MAGI2: variants seen among roughly 807,000 people sequenced by gnomAD.
MAGI2 encodes the protein membrane associated guanylate kinase, WW and PDZ domain containing 2, also known as membrane-associated guanylate kinase, WW and PDZ domain-containing protein 2.
Under a neutral mutation model 133.3 loss-of-function variants are expected in MAGI2, and 35 were observed. The observed-to-expected ratio is 0.26, with a 90% CI of 0.20 to 0.35. The LOEUF (loss-of-function observed/expected upper bound fraction) is 0.35. Ranked by LOEUF, MAGI2 falls within the 10% of genes least tolerant of loss-of-function variation. The pLI, the probability that MAGI2 is intolerant of heterozygous loss-of-function variation, is 1.00. For synonymous variants in MAGI2, 729 were observed against 710.6 expected (o/e 1.03, Z -0.41); for missense variants, 1,636 against 1,863.4 (o/e 0.88, Z 2.25).
chr7:78,339,797 T>C (rs1790162250), intron 9 of MAGI2, among the ~76,000 whole-genome samples: 1 of 152,222 alleles, frequency 6.6e-6, no homozygotes, highest in Non-Finnish European at 1.5e-5. Context: ...GAAAATTATG[T>C]ACACATGACT....
chr7:79,117,342 C>T (rs977359516), intron 1 of MAGI2, among the ~76,000 whole-genome samples: 5 of 152,002 alleles, frequency 3.3e-5, no homozygotes, highest in South Asian at 2.1e-4. Context: ...CTCAAGAGCA[C>T]ATGTATATAA....
intron 2 of MAGI2, among the ~76,000 whole-genome samples, chr7:78,881,288 G>A (rs1362695543): frequency 1.3e-5 from 2 of 151,904 alleles, no homozygotes; most frequent in Non-Finnish European, 2.9e-5. Flanking sequence ...ACCTGCACAT[G>A]GAACATACTC....
intron 4 of MAGI2, chr7:78,518,688 A>G (rs1483528180): frequency 6.6e-6 from 1 of 152,058 alleles, no homozygotes; most frequent in Non-Finnish European, 1.5e-5. Flanking sequence ...TAGTTAGTTG[A>G]TATAGGGCAG....
chr7:78,177,911 TAA>T, intron 14 of MAGI2, 98 bp downstream of exon 14: 1 of 869,536 alleles, frequency 1.2e-6, no homozygotes, highest in Non-Finnish European at 1.8e-6. Flanking sequence ...ATGAGAGTCC[TAA>T]AACATTTCCT....
At chr7:78,093,001 T>TG (rs35588190) in intron 20 of MAGI2, among the ~76,000 whole-genome samples, 97 of 151,248 alleles carry the variant, frequency 6.4e-4, no homozygotes, top group African/African-American at 2.1e-3. Flanking sequence ...CTGGGTGTGG[T>TG]GGGGGGTGCC....
chr7:78,044,065 G>C (rs944967849), intron 21 of MAGI2, among the ~76,000 whole-genome samples: 1 of 152,128 alleles, frequency 6.6e-6, no homozygotes, highest in African/African-American at 2.4e-5. Context: ...GATAATTTGT[G>C]TTATAACTTG....
At chr7:78,617,924 A>G (rs1257777152) in intron 3 of MAGI2, 1 of 151,886 alleles carries the variant, frequency 6.6e-6, no homozygotes, top group East Asian at 1.9e-4. Flanking sequence ...ACTAGATTTT[A>G]CTCTCCTTTG....
At chr7:78,224,789 T>G (rs1000897636) in intron 10 of MAGI2, among the ~76,000 whole-genome samples, 17 of 152,002 alleles carry the variant, frequency 1.1e-4, no homozygotes, top group Non-Finnish European at 1.3e-4. Flanking sequence ...TTGTCCTATT[T>G]CAACAGTCTC....
At chr7:79,003,464 A>C (rs1807101465) in intron 2 of MAGI2, among the ~76,000 whole-genome samples, 1 of 152,208 alleles carries the variant, frequency 6.6e-6, no homozygotes, top group African/African-American at 2.4e-5. Flanking sequence ...TTAAACAAGG[A>C]GTGAATGTAT....
At chr7:78,645,514 T>A (rs1810780164) in intron 2 of MAGI2, among the ~76,000 whole-genome samples, 1 of 152,090 alleles carries the variant, frequency 6.6e-6, no homozygotes, top group Admixed American at 6.6e-5. Context: ...CAAAAATCAA[T>A]CAATATAATT....
At chr7:79,374,179 ATCAATAAC>A in intron 1 of MAGI2, among the ~76,000 whole-genome samples, 1 of 152,092 alleles carries the variant, frequency 6.6e-6, no homozygotes, top group Middle Eastern at 3.4e-3. Context: ...TTCTCTCAAA[ATCAATAAC>A]CCCAGGACCT....
At chr7:78,862,490 G>A (rs189329123) in intron 2 of MAGI2, among the ~76,000 whole-genome samples, 185 of 152,262 alleles carry the variant, frequency 1.2e-3, no homozygotes, top group African/African-American at 4.3e-3. Flanking sequence ...AGTTTGTCCA[G>A]GAAGGGTTTT....
intron 1 of MAGI2, among the ~76,000 whole-genome samples, chr7:79,298,191 T>C (rs1585476260): frequency 6.6e-6 from 1 of 152,360 alleles, no homozygotes; most frequent in Non-Finnish European, 1.5e-5. Flanking sequence ...CAATTTTTCT[T>C]CAATATTTGA....
intron 2 of MAGI2, among the ~76,000 whole-genome samples, chr7:78,740,531 A>G (rs752359563): frequency 8.5e-5 from 13 of 152,136 alleles, no homozygotes; most frequent in Non-Finnish European, 1.5e-4. Flanking sequence ...TGATTGTCTC[A>G]TTAAATAACA....
chr7:79,266,948 A>T (rs1395996102), intron 1 of MAGI2, among the ~76,000 whole-genome samples: 1 of 152,110 alleles, frequency 6.6e-6, no homozygotes, highest in Non-Finnish European at 1.5e-5. Context: ...TATCACATAG[A>T]CTTCAGATAA....
intron 1 of MAGI2, among the ~76,000 whole-genome samples, chr7:79,399,580 A>G (rs1487013630): frequency 6.6e-6 from 1 of 152,182 alleles, no homozygotes; most frequent in Non-Finnish European, 1.5e-5. Context: ...AGCTGTAGAT[A>G]CAAGTGCAGT....
intron 2 of MAGI2, among the ~76,000 whole-genome samples, chr7:78,637,892 A>G (rs558391723): frequency 6.6e-6 from 1 of 152,236 alleles, no homozygotes; most frequent in South Asian, 2.1e-4. Flanking sequence ...AGCCTGGGCT[A>G]CATACAGAGA....
At position 78,489,850 on chromosome 7, in the gene MAGI2, A is replaced by G; in HGVS notation, c.966-10T>C. 1.2e-6 allele frequency: 2 copies of G among 1,606,988 alleles called. No homozygotes were observed. Among genetic ancestry groups the G allele is most frequent in the Non-Finnish European group, 1.7e-6 (2 of 1,174,294 alleles). The stretch of plus-strand genomic sequence containing the variant: ...TGTCTTTGTGTTATGGCTGAAAAGA[A>G]AAGAGATCACTCTGAACAGACACAT... On this transcript the variant is annotated splice_polypyrimidine_tract_variant and intron_variant, in intron 5 of 21. Transcript: ENST00000354212.
intron 2 of MAGI2, among the ~76,000 whole-genome samples, chr7:78,761,131 A>AT (rs1375353982): frequency 6.6e-6 from 1 of 152,206 alleles, no homozygotes; most frequent in Non-Finnish European, 1.5e-5. Context: ...GCCAGACTCA[A>AT]TTCTGGTCTA....
Sources: allele counts gnomAD v4.1 joint callset (sites outside exome capture counted in the v4.1 genomes callset), GRCh38; gene constraint gnomAD v4.1.1; transcripts MANE v1.5; gene names NCBI Gene and HGNC (gene_info 2026-07-23, HGNC 2026-07-21).